Variants in AKT3 observed in about 807,000 individuals in gnomAD.
AKT3 encodes AKT serine/threonine kinase 3.
A neutral mutation model predicts 65.3 loss-of-function variants in AKT3; 15 were observed. The ratio of observed to expected loss-of-function variants is 0.23; its 90% CI spans 0.15 to 0.35. The LOEUF (loss-of-function observed/expected upper bound fraction) is 0.35. Among genes scored for constraint, AKT3 ranks in the 10% least tolerant of loss-of-function variants. AKT3 has a pLI of 1.00. For missense variants in AKT3, 243 were observed against 576.5 expected, an observed-to-expected ratio of 0.42 and a Z score of 5.92; for synonymous variants, 206 against 183.8, an observed-to-expected ratio of 1.12 and a Z score of -0.98.
At position 243,807,489 on chromosome 1, in the gene AKT3, G is replaced by A. The variant is rs533439243; in HGVS notation, c.46+35636C>T. Among the ~76,000 whole-genome samples the A allele has an allele frequency of 5.9e-5, 9 of 152,376 alleles. No homozygotes were observed. The South Asian group carries it at 1.9e-3, about 32-fold the overall frequency. ...AACGCGGCAGCAAGGCTGAGGGAGG[G>A]GCGCCCGCCATTGCTGAGGCTTGAG... On this transcript the variant is annotated intron_variant, in intron 2 of 13. Transcript: ENST00000673466.
intron 2 of AKT3, among the ~76,000 whole-genome samples, chr1:243,722,161 G>A (rs1205380539): frequency 6.6e-6 from 1 of 152,078 alleles, no homozygotes; most frequent in African/African-American, 2.4e-5. Context: ...TTAACATTAA[G>A]AACAATTCAT....
Position 243,613,749 on chromosome 1 carries a change from A to C in AKT3, c.628-10T>G. 6.4e-7 allele frequency: 1 copy of C among 1,559,130 alleles called. No homozygotes were observed. The highest frequency in any genetic ancestry group is 8.7e-7 in the Non-Finnish European group (1 of 1,146,672). ...AGGAATATTTCAAGGACTTGAAATAAAAAAAAGAAAAAATGTTACATTATA... is the reference window on the plus strand; with the variant it reads ...AGGAATATTTCAAGGACTTGAAATACAAAAAAGAAAAAATGTTACATTATA... On this transcript the variant is annotated splice_polypyrimidine_tract_variant and intron_variant, in intron 7 of 13. Coordinates refer to ENST00000673466, the MANE Select transcript of AKT3 (RefSeq NM_005465.7).
At chr1:243,601,373 A>C (rs1232124684) in intron 8 of AKT3, among the ~76,000 whole-genome samples, 1 of 152,164 alleles carries the variant, frequency 6.6e-6, no homozygotes, top group Non-Finnish European at 1.5e-5. Context: ...TGAGAAATTC[A>C]AATTGAAGCT....
At position 243,798,273 on chromosome 1, in the gene AKT3, C is replaced by CA. The variant is rs1553454650; in HGVS notation, c.46+44851dup. On this transcript the variant is annotated intron_variant, in intron 2 of 13. Transcript: ENST00000673466. The stretch of plus-strand genomic sequence containing the variant: ...CACCCAGACTGGAGTGCTGCAGTGG[C>CA]ATGACCACTGCTCACTGCAGCCTGA... 2.9e-5 allele frequency among the ~76,000 whole-genome samples: 4 copies of CA among 139,622 alleles called. No homozygotes were observed. The East Asian group carries it at 8.7e-4, about 31-fold the overall frequency. 91.6% of individuals were successfully genotyped at this position (139,622 alleles called of 152,430 possible). A position where few individuals can be genotyped will look rare whatever the true frequency, so the allele number is the denominator to read the frequency against.
intron 8 of AKT3, among the ~76,000 whole-genome samples, chr1:243,609,043 C>T (rs556393186): frequency 4.3e-4 from 66 of 151,968 alleles, no homozygotes; most frequent in Admixed American, 2.2e-3. Flanking sequence ...TGAGCCACGA[C>T]GCCTGGTCGT....
At chr1:243,737,146 G>C (rs932477809) in intron 2 of AKT3, among the ~76,000 whole-genome samples, 1 of 152,092 alleles carries the variant, frequency 6.6e-6, no homozygotes, top group Non-Finnish European at 1.5e-5. Context: ...TCGGATCTCA[G>C]CTTCAAGCTC....
At chr1:243,628,300 A>C (rs914700569) in intron 6 of AKT3, among the ~76,000 whole-genome samples, 6 of 151,852 alleles carry the variant, frequency 4.0e-5, no homozygotes, top group Non-Finnish European at 5.9e-5. Flanking sequence ...CAATAGAAGA[A>C]AACCTTTTTT....
rs1208690839 is a variant in AKT3, at chr1:243,505,199, T to A, written c.*50A>T. 1 of 1,537,164 alleles carries A rather than the reference T, an allele frequency of 6.5e-7. No individual in the cohort carries two copies. Among genetic ancestry groups the A allele is most frequent in the Non-Finnish European group, 9.0e-7 (1 of 1,111,366 alleles). On this transcript the variant is annotated 3_prime_UTR_variant, in exon 14 of 14. Transcript: ENST00000673466. ...TAGGACTGGTGATGTCCAGGAATCATTTTCAGTAATAAATTGAAGATGACA... is the reference window on the plus strand; with the variant it reads ...TAGGACTGGTGATGTCCAGGAATCAATTTCAGTAATAAATTGAAGATGACA...
intron 2 of AKT3, among the ~76,000 whole-genome samples, chr1:243,798,296 T>C (rs1437523717): frequency 7.4e-5 from 11 of 147,774 alleles, no homozygotes; most frequent in African/African-American, 2.5e-4. Flanking sequence ...CACTGCAGCC[T>C]GACCTCCTGG....
At chr1:243,721,186 T>C (rs893628019) in intron 2 of AKT3, among the ~76,000 whole-genome samples, 1 of 152,124 alleles carries the variant, frequency 6.6e-6, no homozygotes, top group African/African-American at 2.4e-5. Context: ...GTCTAGGAAC[T>C]GGCCTAGACA....
intron 5 of AKT3, among the ~76,000 whole-genome samples, chr1:243,645,241 C>T (rs1680718527): frequency 6.6e-6 from 1 of 152,122 alleles, no homozygotes; most frequent in Non-Finnish European, 1.5e-5. Flanking sequence ...AAATGGCAAG[C>T]TTATCTCAAC....
intron 9 of AKT3, among the ~76,000 whole-genome samples, chr1:243,564,750 T>C (rs1013272429): frequency 1.3e-5 from 2 of 152,214 alleles, no homozygotes; most frequent in South Asian, 4.1e-4. Context: ...TGCCTAGTCA[T>C]GTAGACACAA....
intron 8 of AKT3, among the ~76,000 whole-genome samples, chr1:243,592,290 A>C (rs1394004011): frequency 6.6e-6 from 1 of 151,886 alleles, no homozygotes; most frequent in Admixed American, 6.6e-5. Context: ...AGCCCAGATC[A>C]CGTCACTGCA....
intron 8 of AKT3, among the ~76,000 whole-genome samples, chr1:243,604,855 G>A (rs1677279384): frequency 6.6e-6 from 1 of 152,078 alleles, no homozygotes; most frequent in African/African-American, 2.4e-5. Context: ...TTTAATAGAT[G>A]AATGATAATG....
intron 8 of AKT3, among the ~76,000 whole-genome samples, chr1:243,589,706 T>C (rs1244970093): frequency 6.6e-6 from 1 of 152,184 alleles, no homozygotes; most frequent in East Asian, 1.9e-4. Context: ...CTGAAGGAAA[T>C]GACATCAATA....
intron 10 of AKT3, among the ~76,000 whole-genome samples, chr1:243,562,565 C>A (rs925789810): frequency 2.6e-5 from 4 of 152,156 alleles, no homozygotes; most frequent in African/African-American, 4.8e-5. Flanking sequence ...AGGCACCATG[C>A]AGCTTCTAAT....
At chr1:243,785,757 A>C (rs1175534668) in intron 2 of AKT3, among the ~76,000 whole-genome samples, 7 of 152,314 alleles carry the variant, frequency 4.6e-5, no homozygotes, top group African/African-American at 1.7e-4. Context: ...ACAGCCATCA[A>C]ATTCCTGGAA....
At chr1:243,719,765 T>C (rs756487810) in intron 2 of AKT3, among the ~76,000 whole-genome samples, 2 of 152,144 alleles carry the variant, frequency 1.3e-5, no homozygotes, top group Non-Finnish European at 2.9e-5. Context: ...CAGATGTTCA[T>C]GACCCAAGCC....
chr1:243,506,245 C>T (rs1669659965), intron 13 of AKT3, among the ~76,000 whole-genome samples: 1 of 152,220 alleles, frequency 6.6e-6, no homozygotes, highest in Non-Finnish European at 1.5e-5. Flanking sequence ...GGGGGAGGTG[C>T]TCCATTTTAA....
Sources: gnomAD v4.1 joint callset for allele counts (sites outside exome capture counted in the v4.1 genomes callset) on GRCh38, gnomAD v4.1.1 for gene constraint, MANE v1.5 for transcripts, NCBI Gene and HGNC (gene_info 2026-07-23, HGNC 2026-07-21) for gene names.